The following TSBP1 variants were observed in gnomAD, a reference collection of about 807,000 sequenced individuals.
TSBP1 encodes the protein testis expressed basic protein 1.
In TSBP1, 56 loss-of-function variants were observed where a neutral mutation model predicts 68.8. That is an observed-to-expected ratio of 0.81 (90% confidence interval 0.66 to 1.02). TSBP1 has a LOEUF of 1.02. Ranked by LOEUF, TSBP1 falls within the 50% of genes least tolerant of loss-of-function variation. The pLI is 0.00. For synonymous variants in TSBP1, 171 were observed against 208.7 expected (o/e 0.82, Z 1.56); for missense variants, 502 against 641.2 (o/e 0.78, Z 2.34).
chr6:32,355,791 G>A, intron 6 of TSBP1, 122 bp from the exon 7 acceptor site: 1 of 1,220,816 alleles, frequency 8.2e-7, no homozygotes. Context: ...AGAAACTGGA[G>A]ACAAAATCTC....
chr6:32,368,970 C>A (rs1214903067), intron 2 of TSBP1, among the ~76,000 whole-genome samples, 156 bp from the exon 3 acceptor site: 1 of 152,122 alleles, frequency 6.6e-6, no homozygotes. Flanking sequence ...CCACATCTCC[C>A]ATCAGCCCTG....
Position 32,293,733 on chromosome 6 carries a change from T to G in TSBP1, c.940A>C (p.Ser314Arg), listed in dbSNP as rs564447553. ...TGGGCTCCCTGTCCTTGTGGTATAC[T>G]CATCTCACTGATTTTTAGTTGGGTT... The change falls in exon 23 of 23, where the codon AGT becomes CGT. Residue 314 changes from serine to arginine, a missense_variant. Coordinates refer to ENST00000612031, the Ensembl canonical transcript of TSBP1. 9 of 1,612,740 alleles carry G rather than the reference T, an allele frequency of 5.6e-6. No individual in the cohort carries two copies. In the Admixed American group the frequency reaches 8.3e-5, roughly 15 times the overall value.
intron 9 of TSBP1, among the ~76,000 whole-genome samples, chr6:32,342,320 C>G (rs191372139): frequency 6.6e-6 from 1 of 152,096 alleles, no homozygotes; most frequent in Non-Finnish European, 1.5e-5. Flanking sequence ...CATACCACCA[C>G]GCCCAGCTAA....
chr6:32,358,730 C>A (rs1330445365), intron 6 of TSBP1, among the ~76,000 whole-genome samples: 1 of 152,014 alleles, frequency 6.6e-6, no homozygotes, highest in African/African-American at 2.4e-5. Flanking sequence ...CATGTTCCTA[C>A]AAAGGACACG....
chr6:32,369,781 G>C (rs1774183610), intron 2 of TSBP1, 116 bp downstream of exon 2: 5 of 795,548 alleles, frequency 6.3e-6, no homozygotes, highest in Middle Eastern at 2.2e-4. Context: ...CAGATTCCCA[G>C]AATATTGGCA....
chr6:32,308,431 T>C (rs185480836), intron 19 of TSBP1, among the ~76,000 whole-genome samples: 2 of 150,514 alleles, frequency 1.3e-5, no homozygotes, highest in Non-Finnish European at 3.0e-5. Context: ...ACCCCGTCTC[T>C]ACTAAAAATA....
At chr6:32,355,099 T>G in intron 8 of TSBP1, 25 bp downstream of exon 8, 1 of 1,604,600 alleles carries the variant, frequency 6.2e-7, no homozygotes, top group African/African-American at 1.3e-5. Flanking sequence ...ACAGTAGAAT[T>G]GAAAGAAAAC....
At chr6:32,355,097 A>G (rs1772139870) in intron 8 of TSBP1, 27 bp downstream of exon 8, 1 of 1,604,848 alleles carries the variant, frequency 6.2e-7, no homozygotes, top group East Asian at 2.2e-5. Flanking sequence ...TGACAGTAGA[A>G]TTGAAAGAAA....
At chr6:32,312,451 G>A (rs1766503977) in intron 19 of TSBP1, among the ~76,000 whole-genome samples, 1 of 152,144 alleles carries the variant, frequency 6.6e-6, no homozygotes, top group African/African-American at 2.4e-5. Flanking sequence ...GATGGCTTAA[G>A]CATTTTAAAT....
intron 6 of TSBP1, among the ~76,000 whole-genome samples, chr6:32,363,358 C>A (rs537313436): frequency 6.6e-6 from 1 of 152,086 alleles, no homozygotes; most frequent in East Asian, 1.9e-4. Context: ...AAAATTTAAT[C>A]CATTTACGTT....
chr6:32,363,227 T>C (rs1773268631), intron 6 of TSBP1, among the ~76,000 whole-genome samples: 1 of 152,124 alleles, frequency 6.6e-6, no homozygotes, highest in Non-Finnish European at 1.5e-5. Context: ...AGCATCTTCT[T>C]TTCATCCCTT....
intron 18 of TSBP1, among the ~76,000 whole-genome samples, chr6:32,320,751 A>C (rs1234333450): frequency 1.3e-5 from 2 of 152,084 alleles, no homozygotes; most frequent in African/African-American, 4.8e-5. Context: ...ATATAGGTAA[A>C]CTTGTGTCAT....
rs895102866 is a variant in TSBP1 at position 32,315,287 on chromosome 6, G to T, written c.580+485C>A. Among the ~76,000 whole-genome samples, 6 of 152,170 alleles carry T rather than the reference G, an allele frequency of 3.9e-5. No individual in the cohort carries two copies. Among genetic ancestry groups the T allele is most frequent in the African/African-American group, 1.4e-4 (6 of 41,430 alleles). On this transcript the variant is annotated intron_variant, in intron 19 of 22. Transcript: ENST00000612031. This position sits in a 1 kb window ranked among gnomAD's most constrained non-coding sequence, Gnocchi z 5.4. The stretch of plus-strand genomic sequence containing the variant: ...TTTAGAACTAAAATAATGGGGCTGG[G>T]CGTGGTGGTTCACACCTGTAAACCC...
rs67714335 is a variant in TSBP1 at position 32,367,243 on chromosome 6, A to AAGAGAG, written c.166+676_166+681dup. On this transcript the variant is annotated intron_variant, in intron 4 of 22. Transcript: ENST00000612031. ...TCAGAAAGAGAGAAAGAGGGAAGGA[A>AAGAGAG]AGAGAGAGAGAGAGAGAGAGAAAGA... 3.7e-4 allele frequency among the ~76,000 whole-genome samples: 49 copies of AAGAGAG among 130,734 alleles called. 1 individual carries two copies. Among genetic ancestry groups the AAGAGAG allele is most frequent in the Admixed American group, 6.4e-4 (9 of 13,972 alleles). The allele number at this position is 130,734 out of a possible 152,430, so 85.8% of individuals were successfully genotyped here.
rs555430886 is a variant in TSBP1, at chr6:32,325,788, C to T, written c.515-2174G>A. 2.8e-4 allele frequency: 337 copies of T among 1,193,298 alleles called. 6 individuals are homozygous for T. In the South Asian group the frequency reaches 3.8e-3, roughly 13 times the overall value. 73.9% of individuals were successfully genotyped at this position (1,193,298 alleles called of 1,614,324 possible). A position where few individuals can be genotyped will look rare whatever the true frequency, so the allele number is the denominator to read the frequency against. On this transcript the variant is annotated intron_variant, in intron 16 of 22. Coordinates refer to ENST00000612031, the Ensembl canonical transcript of TSBP1. This position sits in a 1 kb window ranked among gnomAD's most constrained non-coding sequence, Gnocchi z 4.4. ...AGCAAGAGATGGCTAGTGCTCCATC[C>T]AGCCGAAGAGGTCGAAGTGGTTCTG...
exon 2 of TSBP1, chr6:32,369,927 A>G (rs1236321373): frequency 1.1e-5 from 17 of 1,612,094 alleles, no homozygotes; most frequent in Non-Finnish European, 1.2e-5. Flanking sequence ...CATCTTGTTA[A>G]CAAAATAGCC....
At position 32,355,637 on chromosome 6, in the gene TSBP1, G is replaced by T; in HGVS notation, c.238+12C>A. 1 of 1,591,118 alleles carries T rather than the reference G, an allele frequency of 6.3e-7. No individual in the cohort carries two copies. Among genetic ancestry groups the T allele is most frequent in the Non-Finnish European group, 8.5e-7 (1 of 1,171,162 alleles). On this transcript the variant is annotated intron_variant, in intron 7 of 22. Transcript: ENST00000612031. ...GAAGCAAATTTTTGTTAAGAAGCAA[G>T]ATAATACTTACTGTAATCTCTTTTG...
In TSBP1 at chr6:32,314,685, A is replaced by T. The variant is rs936789584; in HGVS notation, c.580+1087T>A. On this transcript the variant is annotated intron_variant, in intron 19 of 22. Coordinates refer to ENST00000612031, the Ensembl canonical transcript of TSBP1. This position sits in a 1 kb window ranked among gnomAD's most constrained non-coding sequence, Gnocchi z 4.2. ...ATGTCTTTGTCCTAACATTATTGAAATTAATAAAATGTTGTTATTATGAAA... is the reference window on the plus strand; with the variant it reads ...ATGTCTTTGTCCTAACATTATTGAATTTAATAAAATGTTGTTATTATGAAA... 6.6e-6 allele frequency among the ~76,000 whole-genome samples: 1 copy of T among 152,222 alleles called. No homozygotes were observed. Among genetic ancestry groups the T allele is most frequent in the African/African-American group, 2.4e-5 (1 of 41,452 alleles).
chr6:32,350,899 G>A (rs1252998656), intron 8 of TSBP1, among the ~76,000 whole-genome samples: 1 of 152,104 alleles, frequency 6.6e-6, no homozygotes, highest in Non-Finnish European at 1.5e-5. Context: ...TAGAAGAAGG[G>A]AGCCATGAAC....
Sources: allele counts gnomAD v4.1 joint callset (sites outside exome capture counted in the v4.1 genomes callset), GRCh38; gene constraint gnomAD v4.1.1; non-coding constraint Gnocchi (gnomAD v3.1); transcripts MANE v1.5; gene names NCBI Gene and HGNC (gene_info 2026-07-23, HGNC 2026-07-21).